ALDH16A1: variants seen among roughly 807,000 people sequenced by gnomAD.
ALDH16A1 encodes the protein aldehyde dehydrogenase family 16 member A1.
In ALDH16A1, 88 loss-of-function variants were observed where a neutral mutation model predicts 96.1. That is an observed-to-expected ratio of 0.92 (90% CI 0.77 to 1.09). The LOEUF (loss-of-function observed/expected upper bound fraction) is 1.09, where lower values mean the gene tolerates loss of function less well. Ranked by LOEUF, ALDH16A1 falls within the 50% of genes least tolerant of loss-of-function variation. ALDH16A1 has a pLI of 0.00. For synonymous variants in ALDH16A1, 522 were observed against 496.4 expected, an observed-to-expected ratio of 1.05 and a Z score of -0.69; for missense variants, 1,250 against 1,112.6, an observed-to-expected ratio of 1.12 and a Z score of -1.76.
intron 1 of ALDH16A1, among the ~76,000 whole-genome samples, chr19:49,455,523 C>G (rs1009654297): frequency 6.6e-6 from 1 of 150,794 alleles, no homozygotes; most frequent in Non-Finnish European, 1.5e-5. Context: ...GGGAGGATCA[C>G]CTGAGCCTGG....
chr19:49,455,357 A>G (rs2079099040), intron 1 of ALDH16A1, among the ~76,000 whole-genome samples: 1 of 150,876 alleles, frequency 6.6e-6, no homozygotes, highest in South Asian at 2.1e-4. Context: ...TGGAGATTGC[A>G]GTGAGCCGAG....
In ALDH16A1 at chr19:49,468,445, G is replaced by T; in HGVS notation, c.2003G>T (p.Cys668Phe). 1 of 1,601,532 alleles carries T rather than the reference G, an allele frequency of 6.2e-7. No individual in the cohort carries two copies. The highest frequency in any genetic ancestry group is 8.5e-7 in the Non-Finnish European group (1 of 1,179,786). ...CCGCTGGGTGTGCTGGCTGTGGTGT[G>T]TCCGGACGAGTGGCCCCTGCTTGCC... The part of the protein sequence containing the change: ...REPLGVLAVV[C>F]PDEWPLLAFV... The change falls in exon 15 of 17, where the codon TGT (cysteine) becomes TTT (phenylalanine). Residue 668 changes from cysteine to phenylalanine, a missense_variant. Physicochemically the swap from Cys to Phe is radical, Grantham distance 205 (BLOSUM62 -2). Coordinates refer to ENST00000293350, the MANE Select transcript of ALDH16A1 (RefSeq NM_153329.4). This position sits in a 1 kb window ranked among gnomAD's most constrained non-coding sequence, Gnocchi z 4.4.
Position 49,465,871 on chromosome 19 carries a change from G to A in ALDH16A1, c.1702G>A (p.Gly568Ser), listed in dbSNP as rs763066572. The A allele has an allele frequency of 1.2e-6, 2 of 1,614,116 alleles. No homozygotes were observed. The highest frequency in any genetic ancestry group is 1.3e-5 in the African/African-American group (1 of 75,072). ...TGAGGGTGGAGCCAAGGACATCCGA[G>A]GTGCTGTGGAGGCCGCTCACCAGGC... ...VAEGGAKDIR[G>S]AVEAAHQAFP... Residue 568 changes from glycine to serine, a missense_variant, in exon 13 of 17, where the codon GGT becomes AGT. By Grantham distance (56) the Gly-to-Ser change is moderately conservative. Coordinates refer to ENST00000293350, the MANE Select transcript of ALDH16A1 (RefSeq NM_153329.4).
rs978443352 is a variant in ALDH16A1, at chr19:49,468,707, C to T, written c.2124+141C>T. On this transcript the variant is annotated intron_variant, in intron 15 of 16. Coordinates refer to ENST00000293350, the MANE Select transcript of ALDH16A1 (RefSeq NM_153329.4). The surrounding 1 kb of genome is among the most constrained non-coding windows in gnomAD (Gnocchi z 4.4). ...CCCCCAGCCCCAGCACCCAAACCTT[C>T]ACTCCTTGGGGACCCAGTGCCCATT... 9 of 1,357,532 alleles carry T rather than the reference C, an allele frequency of 6.6e-6. No individual in the cohort carries two copies. Among genetic ancestry groups the T allele is most frequent in the Admixed American group, 2.1e-5 (1 of 46,864 alleles). The allele number at this position is 1,357,532 out of a possible 1,614,324, so 84.1% of individuals were successfully genotyped here.
rs1228786784 is a variant in ALDH16A1 at position 49,453,351 on chromosome 19, G to A, written c.20G>A (p.Gly7Glu). 2 of 1,552,052 alleles carry A rather than the reference G, an allele frequency of 1.3e-6. No homozygotes were observed. The highest frequency in any genetic ancestry group is 1.4e-5 in the African/African-American group (1 of 70,882). Residue 7 changes from glycine (G) to glutamate (E), a missense_variant, in exon 1 of 17, where the codon GGG becomes GAG. By Grantham distance (98) the Gly-to-Glu change is moderately conservative. Transcript: ENST00000293350. ...TAGGCGATGGCTGCGACGCGTGCAG[G>A]GCCCCGCGCCCGCGAGATCTTCACC... MAATRA[G>E]PRAREIFTSL...
chr19:49,469,204 G>T, intron 16 of ALDH16A1: 1 of 541,522 alleles, frequency 1.8e-6, no homozygotes, highest in South Asian at 2.7e-5. Flanking sequence ...CAAAGACCTC[G>T]TCTCAGGGGA....
Position 49,459,963 on chromosome 19 carries a change from T to G in ALDH16A1, c.499+115T>G, listed in dbSNP as rs980744766. The G allele has an allele frequency of 1.6e-5, 20 of 1,272,634 alleles. No homozygotes were observed. The highest frequency in any genetic ancestry group is 1.6e-5 in the South Asian group (1 of 64,410). 78.8% of individuals were successfully genotyped at this position (1,272,634 alleles called of 1,614,324 possible). On this transcript the variant is annotated intron_variant, in intron 4 of 16. Coordinates refer to ENST00000293350, the MANE Select transcript of ALDH16A1 (RefSeq NM_153329.4). The surrounding 1 kb of genome is among the most constrained non-coding windows in gnomAD (Gnocchi z 4.1). ...TTCGCTCTTGTCGCCCAGGCCGGAG[T>G]GCAGTGGCGCAATCTTGGCTCACTA...
intron 5 of ALDH16A1, 73 bp downstream of exon 5, chr19:49,460,972 G>C: frequency 6.7e-7 from 1 of 1,500,728 alleles, no homozygotes; most frequent in Non-Finnish European, 9.2e-7. Context: ...AAACTCCAGA[G>C]TCTGAGAGAC....
Position 49,461,991 on chromosome 19 carries a change from G to T in ALDH16A1, c.867G>T (p.Ser289=). The change falls in exon 7 of 17, where the codon TCG becomes TCT. Residue 289 remains serine, a synonymous_variant. Coordinates refer to ENST00000293350, the MANE Select transcript of ALDH16A1 (RefSeq NM_153329.4). ...LLLTDTADVD[S]AVEGVVDAAW... is the part of the protein sequence containing the mutation. ...TGACGGACACGGCGGACGTAGACTC[G>T]GCCGTGGAGGGTGTCGTGGACGCCG... 1 of 1,547,334 alleles carries T rather than the reference G, an allele frequency of 6.5e-7. No individual in the cohort carries two copies. The highest frequency in any genetic ancestry group is 8.7e-7 in the Non-Finnish European group (1 of 1,149,990).
intron 1 of ALDH16A1, among the ~76,000 whole-genome samples, chr19:49,454,998 ATCCTAGCT>A (rs1207725753): frequency 6.7e-6 from 1 of 150,286 alleles, no homozygotes; most frequent in African/African-American, 2.5e-5. Flanking sequence ...TTTGCCTGTA[ATCCTAGCT>A]ACTTGGGAGG....
intron 14 of ALDH16A1, 81 bp downstream of exon 14, chr19:49,466,364 G>A (rs892602817): frequency 1.5e-6 from 2 of 1,372,238 alleles, no homozygotes. Context: ...ACCCAGGCTT[G>A]GAATTCGGGC....
chr19:49,459,965 C>G lies in ALDH16A1; in HGVS notation c.499+117C>G, dbSNP rs1234951033. ...CGCTCTTGTCGCCCAGGCCGGAGTG[C>G]AGTGGCGCAATCTTGGCTCACTATA... On this transcript the variant is annotated intron_variant, in intron 4 of 16. Transcript: ENST00000293350. The surrounding 1 kb of genome is among the most constrained non-coding windows in gnomAD (Gnocchi z 4.1). 1 of 1,262,660 alleles carries G rather than the reference C, an allele frequency of 7.9e-7. No individual in the cohort carries two copies. The highest frequency in any genetic ancestry group is 2.9e-5 in the East Asian group (1 of 34,392). The allele number at this position is 1,262,660 out of a possible 1,614,324, so 78.2% of individuals were successfully genotyped here.
At position 49,465,890 on chromosome 19, in the gene ALDH16A1, A is replaced by G; in HGVS notation, c.1721A>G (p.His574Arg). Residue 574 changes from histidine to arginine, a missense_variant, in exon 13 of 17, where the codon CAC (histidine) becomes CGC (arginine). Transcript: ENST00000293350. ...ATCCGAGGTGCTGTGGAGGCCGCTC[A>G]CCAGGCTTTCCCTGGGTAAGGGGTC... ...KDIRGAVEAA[H>R]QAFPGWAGQS... 1.2e-6 allele frequency: 2 copies of G among 1,613,854 alleles called. No homozygotes were observed. The highest frequency in any genetic ancestry group is 2.2e-5 in the East Asian group (1 of 44,882).
Position 49,464,673 on chromosome 19 carries a change from G to A in ALDH16A1, c.1479G>A (p.Arg493=). 1.2e-6 allele frequency: 2 copies of A among 1,614,152 alleles called. No homozygotes were observed. Among genetic ancestry groups the A allele is most frequent in the Non-Finnish European group, 1.7e-6 (2 of 1,180,030 alleles). The part of the protein sequence containing the change: ...EYLRPSGTPA[R]LSCLSKNLNY... ...TGCGGCCCTCAGGGACCCCTGCCCG[G>A]CTGTCCTGCCTCTCCAAGAACCTGA... is the stretch of plus-strand genomic sequence containing the variant. The change falls in exon 12 of 17, where the codon CGG becomes CGA. Residue 493 remains arginine (R), a synonymous_variant. Transcript: ENST00000293350.
rs138585582 is a variant in ALDH16A1, at chr19:49,468,159, CAA to C, written c.1939-208_1939-207del. ...AGGGCGACAGAGTGAGAGTCCGTCT[CAA>C]AAAAAAAAAAAAAGAAAGGCGGTTA... is the stretch of plus-strand genomic sequence containing the variant. On this transcript the variant is annotated intron_variant, in intron 14 of 16. Coordinates refer to ENST00000293350, the MANE Select transcript of ALDH16A1 (RefSeq NM_153329.4). This position sits in a 1 kb window ranked among gnomAD's most constrained non-coding sequence, Gnocchi z 4.4. 4,433 of 404,474 alleles carry C rather than the reference CAA, an allele frequency of 0.011. No individual in the cohort carries two copies. Among genetic ancestry groups the C allele is most frequent in the South Asian group, 0.014 (429 of 30,264 alleles). The allele number at this position is 404,474 out of a possible 1,614,324, so 25.1% of individuals were successfully genotyped here.
chr19:49,453,378 C>G lies in ALDH16A1; in HGVS notation c.47C>G (p.Ser16Trp), dbSNP rs148374093. ...AGPRAREIFT[S>W]LEYGPVPESH... is the part of the protein sequence containing the mutation. Reference sequence around the variant, plus strand: ...CCCCGCGCCCGCGAGATCTTCACCTCGCTGGAGTACGGACCGGTGCCGGAG... The same window carrying G: ...CCCCGCGCCCGCGAGATCTTCACCTGGCTGGAGTACGGACCGGTGCCGGAG... The change falls in exon 1 of 17, where the codon TCG (serine) becomes TGG (tryptophan). Residue 16 changes from serine to tryptophan, a missense_variant. Physicochemically the swap from Ser to Trp is radical, Grantham distance 177. Coordinates refer to ENST00000293350, the MANE Select transcript of ALDH16A1 (RefSeq NM_153329.4). 9.9e-5 allele frequency: 155 copies of G among 1,568,834 alleles called. No individual in the cohort carries two copies. The African/African-American group carries it at 1.5e-3, about 15-fold the overall frequency.
At chr19:49,463,763 G>A (rs1420502205) in intron 8 of ALDH16A1, 91 bp from the exon 9 acceptor site, 1 of 1,186,808 alleles carries the variant, frequency 8.4e-7, no homozygotes, top group African/African-American at 1.5e-5. Flanking sequence ...CTGGACTCCT[G>A]GGTCTGAGGG....
In ALDH16A1 at chr19:49,464,782, T is replaced by C. The variant is rs2079184849; in HGVS notation, c.1568+20T>C. 1.2e-6 allele frequency: 2 copies of C among 1,613,506 alleles called. No individual in the cohort carries two copies. Among genetic ancestry groups the C allele is most frequent in the Admixed American group, 1.7e-5 (1 of 60,014 alleles). Reference sequence around the variant, plus strand: ...GCCCAGGTGAGTCGTTGGGGGCCAGTGGTCTGGGAGTGTGAACGGGGAGAG... The same window carrying C: ...GCCCAGGTGAGTCGTTGGGGGCCAGCGGTCTGGGAGTGTGAACGGGGAGAG... On this transcript the variant is annotated intron_variant, in intron 12 of 16. Transcript: ENST00000293350.
chr19:49,468,488 TC>T lies in ALDH16A1; in HGVS notation c.2049del (p.Ala684ProfsTer39). 1 of 1,603,346 alleles carries T rather than the reference TC, an allele frequency of 6.2e-7. No individual in the cohort carries two copies. ...PLLAFVSLLA[P>X]ALAYGNTVVM... ...TGCTTGCCTTCGTGTCCCTGCTGGC[TC>T]CCGCCCTGGCCTACGGCAACACTGT... On this transcript the variant is annotated frameshift_variant, in exon 15 of 17. Transcript: ENST00000293350. LOFTEE classifies it high-confidence loss of function. This position sits in a 1 kb window ranked among gnomAD's most constrained non-coding sequence, Gnocchi z 4.4.
Sources: allele counts gnomAD v4.1 joint callset (sites outside exome capture counted in the v4.1 genomes callset), GRCh38; gene constraint gnomAD v4.1.1; non-coding constraint Gnocchi (gnomAD v3.1); transcripts MANE v1.5; gene names NCBI Gene and HGNC (gene_info 2026-07-23, HGNC 2026-07-21).